DLG2: variants seen among roughly 807,000 people sequenced by gnomAD.
The protein encoded by DLG2 is discs large MAGUK scaffold protein 2.
A neutral mutation model predicts 132.5 loss-of-function variants in DLG2; 45 were observed. That is an observed-to-expected ratio of 0.34 (90% CI 0.27 to 0.44). The LOEUF (loss-of-function observed/expected upper bound fraction) is 0.44, where lower values mean the gene tolerates loss of function less well. DLG2 is among the 20% of genes least tolerant of loss of function. The pLI is 1.00. For missense variants in DLG2, 1,045 were observed against 1,196.9 expected, an observed-to-expected ratio of 0.87 and a Z score of 1.87; for synonymous variants, 424 against 419.6, an observed-to-expected ratio of 1.01 and a Z score of -0.13.
At chr11:85,540,824 C>T (rs2075915181) in intron 3 of DLG2, among the ~76,000 whole-genome samples, 1 of 152,218 alleles carries the variant, frequency 6.6e-6, no homozygotes. Flanking sequence ...CTGTATGCTC[C>T]CCCTAGGGGT....
intron 11 of DLG2, among the ~76,000 whole-genome samples, chr11:84,051,329 G>A (rs967042543): frequency 6.6e-6 from 1 of 151,930 alleles, no homozygotes; most frequent in Non-Finnish European, 1.5e-5. Context: ...GCACACGTAT[G>A]TTTATTGTGG....
In DLG2 at chr11:85,078,865, C is replaced by A. The variant is rs145508876; in HGVS notation, c.357+32796G>T. On this transcript the variant is annotated intron_variant, in intron 6 of 27. Transcript: ENST00000376104. ...TAGAAACAAGATCCTAAATAAAATG[C>A]GTTCAAGTTTTGTAAACCAAAAGTA... 2.6e-5 allele frequency among the ~76,000 whole-genome samples: 4 copies of A among 152,036 alleles called. No homozygotes were observed. In the East Asian group the frequency reaches 7.7e-4, roughly 29 times the overall value.
intron 6 of DLG2, among the ~76,000 whole-genome samples, chr11:84,851,648 G>A (rs534855108): frequency 1.3e-5 from 2 of 152,078 alleles, no homozygotes; most frequent in East Asian, 3.9e-4. Context: ...GGGAGTTGAT[G>A]GAGGGTGTAG....
chr11:83,917,678 G>C (rs1271468602), intron 15 of DLG2, among the ~76,000 whole-genome samples: 1 of 152,138 alleles, frequency 6.6e-6, no homozygotes, highest in Admixed American at 6.5e-5. Context: ...CTGAAGAAGA[G>C]CTTCCATTAA....
chr11:84,017,847 T>C lies in DLG2; in HGVS notation c.920-37205A>G, dbSNP rs557414188. Among the ~76,000 whole-genome samples, 8 of 152,162 alleles carry C rather than the reference T, an allele frequency of 5.3e-5. No individual in the cohort carries two copies. In the South Asian group the frequency reaches 1.4e-3, roughly 28 times the overall value. ...CTGTTCTAAGCACTTTAACTTTCCA[T>C]ATTATCTTTCAGCTCTTTAAAAATG... On this transcript the variant is annotated intron_variant, in intron 11 of 27. Coordinates refer to ENST00000376104, the MANE Select transcript of DLG2 (RefSeq NM_001142699.3).
At chr11:85,236,875 G>A (rs146631997) in intron 4 of DLG2, among the ~76,000 whole-genome samples, 1 of 152,010 alleles carries the variant, frequency 6.6e-6, no homozygotes, top group Non-Finnish European at 1.5e-5. Context: ...AATTTCATCT[G>A]TAAGAATATA....
chr11:85,620,155 T>C (rs1464732096), intron 2 of DLG2, among the ~76,000 whole-genome samples: 1 of 152,216 alleles, frequency 6.6e-6, no homozygotes, highest in Non-Finnish European at 1.5e-5. Flanking sequence ...ATTAGTCTTT[T>C]ATTTGTTACA....
At chr11:83,941,007 G>T (rs1256213055) in intron 14 of DLG2, among the ~76,000 whole-genome samples, 2 of 152,334 alleles carry the variant, frequency 1.3e-5, no homozygotes, top group East Asian at 3.9e-4. Context: ...ATTCATTCAT[G>T]AGAGACGATT....
intron 19 of DLG2, among the ~76,000 whole-genome samples, chr11:83,589,918 A>T (rs2097157855): frequency 6.8e-6 from 1 of 146,360 alleles, no homozygotes; most frequent in Admixed American, 7.0e-5. Flanking sequence ...TAGTAAAGGG[A>T]TCAATTCAAC....
Position 83,807,469 on chromosome 11 carries a change from C to T in DLG2, c.1723-20677G>A, listed in dbSNP as rs564256616. On this transcript the variant is annotated intron_variant, in intron 17 of 27. Coordinates refer to ENST00000376104, the MANE Select transcript of DLG2 (RefSeq NM_001142699.3). ...TAGTTGCCAGAGCTTCAGATGTGAACGGAGCTGCAAAGCCACAATCCATTC... is the reference window on the plus strand; with the variant it reads ...TAGTTGCCAGAGCTTCAGATGTGAATGGAGCTGCAAAGCCACAATCCATTC... 1.3e-3 allele frequency among the ~76,000 whole-genome samples: 201 copies of T among 152,242 alleles called. 1 individual carries two copies. The highest frequency in any genetic ancestry group is 0.01 in the Middle Eastern group (3 of 292).
intron 7 of DLG2, among the ~76,000 whole-genome samples, chr11:84,313,686 A>T (rs1436005392): frequency 6.6e-6 from 1 of 150,906 alleles, no homozygotes; most frequent in Non-Finnish European, 1.5e-5. Context: ...AGAAAGAAAG[A>T]AAAAGAAAGA....
intron 3 of DLG2, among the ~76,000 whole-genome samples, chr11:85,521,967 G>A (rs771802259): frequency 2.0e-5 from 3 of 152,116 alleles, no homozygotes; most frequent in Admixed American, 6.5e-5. Flanking sequence ...AGAAATTCAA[G>A]CCAGGTGCAG....
chr11:84,808,215 C>A (rs1210591285), intron 6 of DLG2, among the ~76,000 whole-genome samples: 1 of 151,872 alleles, frequency 6.6e-6, no homozygotes, highest in Non-Finnish European at 1.5e-5. Context: ...AAACTAAAAA[C>A]CATACTACTA....
At chr11:84,918,267 C>G (rs1435766737) in intron 6 of DLG2, among the ~76,000 whole-genome samples, 1 of 151,976 alleles carries the variant, frequency 6.6e-6, no homozygotes, top group Non-Finnish European at 1.5e-5. Flanking sequence ...AAATTAACTA[C>G]CAGTATAAAA....
chr11:83,565,848 C>T (rs567225411), intron 19 of DLG2, among the ~76,000 whole-genome samples: 1 of 152,192 alleles, frequency 6.6e-6, no homozygotes, highest in South Asian at 2.1e-4. Context: ...ATTTCAATAA[C>T]TGTACTTAGT....
At position 84,363,852 on chromosome 11, in the gene DLG2, T is replaced by C. The variant is rs1477057640; in HGVS notation, c.520-112561A>G. Among the ~76,000 whole-genome samples the C allele has an allele frequency of 2.6e-5, 4 of 152,186 alleles. No homozygotes were observed. The East Asian group carries it at 7.7e-4, about 29-fold the overall frequency. On this transcript the variant is annotated intron_variant, in intron 7 of 27. Transcript: ENST00000376104. ...GCGGCGTTATTTCTGAGGGCTCTGT[T>C]CTGTTCCATGATCTATATCTCTGTT...
rs1413846154 is a variant in DLG2, at chr11:85,157,080, G to GA, written c.187-2430dup. On this transcript the variant is annotated intron_variant, in intron 4 of 27. Transcript: ENST00000376104. ...GTGCAGCTAGGATATAAAGCAGGCA[G>GA]AAAAACACGAAAAGATTAGACTGGC... Among the ~76,000 whole-genome samples, 5 of 152,264 alleles carry GA rather than the reference G, an allele frequency of 3.3e-5. No individual in the cohort carries two copies. In the East Asian group the frequency reaches 9.7e-4, roughly 29 times the overall value.
chr11:84,618,182 G>A (rs767869935), intron 6 of DLG2, among the ~76,000 whole-genome samples: 2 of 152,058 alleles, frequency 1.3e-5, no homozygotes, highest in African/African-American at 2.4e-5. Context: ...ATATGAGTAA[G>A]TAGAAGGAAA....
intron 6 of DLG2, among the ~76,000 whole-genome samples, chr11:84,979,505 T>C (rs900123009): frequency 6.6e-6 from 1 of 152,062 alleles, no homozygotes; most frequent in African/African-American, 2.4e-5. Context: ...ATGTTCTTTG[T>C]AGGGACATGG....
Sources: gnomAD v4.1 joint callset for allele counts (sites outside exome capture counted in the v4.1 genomes callset) on GRCh38, gnomAD v4.1.1 for gene constraint, MANE v1.5 for transcripts, NCBI Gene and HGNC (gene_info 2026-07-23, HGNC 2026-07-21) for gene names.